Variants in RSRC1 observed in about 807,000 individuals in gnomAD.
RSRC1 encodes serine/Arginine-related protein 53.
A neutral mutation model predicts 49.1 loss-of-function variants in RSRC1; 39 were observed. The ratio of observed to expected loss-of-function variants is 0.79; its 90% CI spans 0.61 to 1.04. The LOEUF is 1.04. Among genes scored for constraint, RSRC1 ranks in the 50% least tolerant of loss-of-function variants. RSRC1 has a pLI of 0.00. For missense variants in RSRC1, 388 were observed against 402.4 expected, an observed-to-expected ratio of 0.96 and a Z score of 0.31; for synonymous variants, 143 against 130.8, an observed-to-expected ratio of 1.09 and a Z score of -0.63.
Position 158,498,513 on chromosome 3 carries a change from G to A in RSRC1, c.652+37510G>A, listed in dbSNP as rs559831450. Among the ~76,000 whole-genome samples the A allele has an allele frequency of 5.6e-4, 59 of 105,462 alleles. 1 individual carries two copies. The South Asian group carries it at 7.0e-3, about 13-fold the overall frequency. 69.2% of individuals were successfully genotyped at this position (105,462 alleles called of 152,430 possible). Reference sequence around the variant, plus strand: ...GATCGTGAATATTTTCTCCCACCCTGTGGGTTGTCTGTTTACTCTTCTGAC... The same window carrying A: ...GATCGTGAATATTTTCTCCCACCCTATGGGTTGTCTGTTTACTCTTCTGAC... On this transcript the variant is annotated intron_variant, in intron 7 of 9. Transcript: ENST00000611884.
chr3:158,523,818 A>C (rs4522814), intron 7 of RSRC1, among the ~76,000 whole-genome samples: 2 of 151,872 alleles, frequency 1.3e-5, no homozygotes, highest in African/African-American at 4.8e-5. Context: ...CTCTCTGGTG[A>C]AGCTTTCCCA....
chr3:158,447,919 A>T (rs747996545), intron 6 of RSRC1, among the ~76,000 whole-genome samples: 2 of 151,894 alleles, frequency 1.3e-5, no homozygotes, highest in Admixed American at 1.3e-4. Flanking sequence ...TTTTAAAAAG[A>T]TTGCTTACCA....
At chr3:158,380,949 T>G (rs1359913851) in intron 6 of RSRC1, among the ~76,000 whole-genome samples, 1 of 152,224 alleles carries the variant, frequency 6.6e-6, no homozygotes, top group Non-Finnish European at 1.5e-5. Context: ...AAGGATTTTT[T>G]TTTACATAAA....
intron 5 of RSRC1, among the ~76,000 whole-genome samples, chr3:158,342,072 G>C (rs1294575246): frequency 6.6e-6 from 1 of 152,126 alleles, no homozygotes; most frequent in African/African-American, 2.4e-5. Flanking sequence ...GAAGTAACTA[G>C]CTTGCTTTCG....
intron 6 of RSRC1, among the ~76,000 whole-genome samples, chr3:158,439,519 A>T (rs1415677247): frequency 6.6e-6 from 1 of 152,190 alleles, no homozygotes; most frequent in Non-Finnish European, 1.5e-5. Context: ...TTGTAGGGAC[A>T]TGGATGAAGC....
At chr3:158,449,849 G>A (rs1319257120) in intron 6 of RSRC1, among the ~76,000 whole-genome samples, 1 of 151,884 alleles carries the variant, frequency 6.6e-6, no homozygotes, top group African/African-American at 2.4e-5. Context: ...ACATATAGCT[G>A]TCCTCGGTTA....
chr3:158,355,349 C>G (rs1317592180), intron 6 of RSRC1, among the ~76,000 whole-genome samples: 2 of 150,608 alleles, frequency 1.3e-5, no homozygotes, highest in African/African-American at 4.9e-5. Context: ...TATTTTATGG[C>G]TTTTATTTAT....
intron 6 of RSRC1, among the ~76,000 whole-genome samples, chr3:158,419,749 C>G (rs1734935452): frequency 6.6e-6 from 1 of 150,604 alleles, no homozygotes; most frequent in South Asian, 2.1e-4. Context: ...TGTCCCCTCA[C>G]AGGATAGACT....
intron 8 of RSRC1, 78 bp from the exon 9 acceptor site, chr3:158,543,257 A>G: frequency 7.9e-7 from 1 of 1,272,182 alleles, no homozygotes; most frequent in Non-Finnish European, 1.0e-6. Flanking sequence ...AACAGTTGTT[A>G]TTCAAAATCA....
At position 158,434,359 on chromosome 3, in the gene RSRC1, TTC is replaced by T. The variant is rs565410564; in HGVS notation, c.584-26574_584-26573del. On this transcript the variant is annotated intron_variant, in intron 6 of 9. Transcript: ENST00000611884. ...TGTCTTCCCAAAAAAGCCTGACATT[TTC>T]TGTTTTAGTGTTCAAAATATCCAGT... Among the ~76,000 whole-genome samples, 93 of 145,418 alleles carry T rather than the reference TTC, an allele frequency of 6.4e-4. 1 individual carries two copies. The South Asian group carries it at 0.021, about 33-fold the overall frequency.
intron 3 of RSRC1, among the ~76,000 whole-genome samples, chr3:158,178,105 G>A (rs1719351040): frequency 6.6e-6 from 1 of 151,776 alleles, no homozygotes; most frequent in Admixed American, 6.6e-5. Context: ...CATTCCTGTT[G>A]TTGTTTTGTT....
intron 4 of RSRC1, among the ~76,000 whole-genome samples, chr3:158,230,563 TATC>T (rs1351033925): frequency 3.3e-5 from 5 of 151,658 alleles, no homozygotes; most frequent in African/African-American, 1.2e-4. Flanking sequence ...AAATAAAACA[TATC>T]ATTCTGCTAC....
At chr3:158,376,633 C>T (rs6778370) in intron 6 of RSRC1, among the ~76,000 whole-genome samples, 79,359 of 151,942 alleles carry the variant, frequency 0.52, 21,118 homozygotes, top group African/African-American at 0.61. Flanking sequence ...AGTCATAGGG[C>T]TCATCTCCGT....
chr3:158,270,354 G>A (rs1725438402), intron 4 of RSRC1, among the ~76,000 whole-genome samples: 1 of 152,148 alleles, frequency 6.6e-6, no homozygotes, highest in Admixed American at 6.6e-5. Flanking sequence ...CAAAAGGATA[G>A]GGTACCCCAA....
intron 6 of RSRC1, among the ~76,000 whole-genome samples, chr3:158,425,926 A>C (rs891605345): frequency 1.3e-5 from 2 of 151,808 alleles, no homozygotes; most frequent in Non-Finnish European, 2.9e-5. Context: ...AGATTCTATG[A>C]AAAAACTATA....
Position 158,459,475 on chromosome 3 carries a change from G to C in RSRC1, c.584-1460G>C, listed in dbSNP as rs1033064641. ...GCCCTGCTAATACATATTGAAGATG[G>C]TTGTAAGGAGTAGAATGTGAATCTG... On this transcript the variant is annotated intron_variant, in intron 6 of 9. Transcript: ENST00000611884. Among the ~76,000 whole-genome samples, 3 of 152,166 alleles carry C rather than the reference G, an allele frequency of 2.0e-5. No homozygotes were observed. The South Asian group carries it at 6.2e-4, about 32-fold the overall frequency.
intron 4 of RSRC1, among the ~76,000 whole-genome samples, chr3:158,259,946 G>T (rs1724795183): frequency 6.6e-6 from 1 of 151,888 alleles, no homozygotes; most frequent in Non-Finnish European, 1.5e-5. Flanking sequence ...GGTTAATGTT[G>T]CCATGTCTGG....
At chr3:158,249,211 C>T (rs192446477) in intron 4 of RSRC1, among the ~76,000 whole-genome samples, 18 of 152,090 alleles carry the variant, frequency 1.2e-4, no homozygotes, top group Admixed American at 1.1e-3. Flanking sequence ...TTTGATTTAC[C>T]TGTGAAACCA....
chr3:158,201,586 A>T (rs1170749463), intron 3 of RSRC1, among the ~76,000 whole-genome samples: 1 of 152,026 alleles, frequency 6.6e-6, no homozygotes, highest in Non-Finnish European at 1.5e-5. Flanking sequence ...ATTTTGATTG[A>T]TTTATTTGCA....
Sources: gnomAD v4.1 joint callset for allele counts (sites outside exome capture counted in the v4.1 genomes callset) on GRCh38, gnomAD v4.1.1 for gene constraint, MANE v1.5 for transcripts, NCBI Gene and HGNC (gene_info 2026-07-23, HGNC 2026-07-21) for gene names.